Variants in SEPTIN5 observed in about 807,000 individuals in gnomAD.
The protein encoded by SEPTIN5 is septin 5.
SEPTIN5 carries 16 observed loss-of-function variants against 51.2 expected under a neutral mutation model. The observed-to-expected ratio is 0.31, with a 90% confidence interval of 0.21 to 0.47. SEPTIN5 has a LOEUF of 0.47. Ranked by LOEUF, SEPTIN5 falls within the 20% of genes least tolerant of loss-of-function variation. The pLI is 0.99. For missense variants in SEPTIN5, 376 were observed against 500.3 expected, an observed-to-expected ratio of 0.75 and a Z score of 2.37; for synonymous variants, 208 against 191.2, an observed-to-expected ratio of 1.09 and a Z score of -0.72.
At position 19,723,002 on chromosome 22, in the gene SEPTIN5, C is replaced by T. The variant is rs909532096; in HGVS notation, c.*518C>T. ...GGGTTGGGCTGAATCAAATGGGAGC[C>T]CTCCAGACATAAGGAGGCCAGAGGC... On this transcript the variant is annotated 3_prime_UTR_variant, in exon 12 of 12. Transcript: ENST00000455784. 6.0e-5 allele frequency: 27 copies of T among 448,152 alleles called. No individual in the cohort carries two copies. The highest frequency in any genetic ancestry group is 2.8e-4 in the African/African-American group (14 of 50,858). 27.8% of individuals were successfully genotyped at this position (448,152 alleles called of 1,614,324 possible). A position where few individuals can be genotyped will look rare whatever the true frequency, so the allele number is the denominator to read the frequency against.
At chr22:19,718,702 T>A (rs767349867) in intron 2 of SEPTIN5, 2 of 1,262,366 alleles carry the variant, frequency 1.6e-6, no homozygotes, top group African/African-American at 3.1e-5. Flanking sequence ...GGGCCTGGGG[T>A]CCGAGCGTGC....
At chr22:19,717,144 T>A in intron 2 of SEPTIN5, 1 of 341,434 alleles carries the variant, frequency 2.9e-6, no homozygotes, top group Non-Finnish European at 5.7e-6. Flanking sequence ...GTGGAGGAGG[T>A]CTCTCAGCCA....
Position 19,723,193 on chromosome 22 carries a change from A to G in SEPTIN5, c.*709A>G, listed in dbSNP as rs761289729. 6.8e-6 allele frequency: 4 copies of G among 586,696 alleles called. No homozygotes were observed. The highest frequency in any genetic ancestry group is 4.6e-5 in the South Asian group (3 of 65,708). 36.3% of individuals were successfully genotyped at this position (586,696 alleles called of 1,614,324 possible). On this transcript the variant is annotated 3_prime_UTR_variant, in exon 12 of 12. Coordinates refer to ENST00000455784, the MANE Select transcript of SEPTIN5 (RefSeq NM_002688.6). ...CCCAGCACCGCTGTGGTGTGCCGGG[A>G]TCCTGAGCCTAGGCCTCCCGATGTT... is the stretch of plus-strand genomic sequence containing the variant.
Position 19,714,744 on chromosome 22 carries a change from A to G in SEPTIN5, c.44-37A>G. ...GCCCGCCGGCCCGGACCCGCTCGGAACCGGACCCGGACTCGACCCCGACCC... is the reference window on the plus strand; with the variant it reads ...GCCCGCCGGCCCGGACCCGCTCGGAGCCGGACCCGGACTCGACCCCGACCC... On this transcript the variant is annotated intron_variant, in intron 1 of 11. Coordinates refer to ENST00000455784, the MANE Select transcript of SEPTIN5 (RefSeq NM_002688.6). The surrounding 1 kb of genome is among the most constrained non-coding windows in gnomAD (Gnocchi z 5.2). 6.3e-7 allele frequency: 1 copy of G among 1,582,898 alleles called. No individual in the cohort carries two copies. The highest frequency in any genetic ancestry group is 8.5e-7 in the Non-Finnish European group (1 of 1,171,918).
intron 10 of SEPTIN5, 124 bp from the exon 11 acceptor site, chr22:19,722,113 C>T: frequency 1.6e-6 from 2 of 1,225,312 alleles, no homozygotes; most frequent in Non-Finnish European, 1.1e-6. Flanking sequence ...AGAACCAAGT[C>T]CAGGGCTGTG....
intron 2 of SEPTIN5, among the ~76,000 whole-genome samples, chr22:19,716,738 GA>G (rs1352827172): frequency 5.3e-5 from 8 of 152,210 alleles, no homozygotes; most frequent in Non-Finnish European, 1.0e-4. Flanking sequence ...TACCAATGGG[GA>G]AACTGAGGCA....
At position 19,720,249 on chromosome 22, in the gene SEPTIN5, C is replaced by T. The variant is rs1936000143; in HGVS notation, c.362+11C>T. 6.2e-7 allele frequency: 1 copy of T among 1,613,390 alleles called. No individual in the cohort carries two copies. The highest frequency in any genetic ancestry group is 8.5e-7 in the Non-Finnish European group (1 of 1,180,012). ...CAACAACACCGAGTGGTGAGTGAGG[C>T]CTGCTGAGAAAGGCCTTGCCTAGGC... On this transcript the variant is annotated intron_variant, in intron 5 of 11. Transcript: ENST00000455784.
intron 2 of SEPTIN5, among the ~76,000 whole-genome samples, chr22:19,715,717 G>T (rs534569775): frequency 6.6e-6 from 1 of 152,320 alleles, no homozygotes; most frequent in East Asian, 1.9e-4. Context: ...GGTGCAGCAG[G>T]CAGGGCAGGA....
Position 19,720,831 on chromosome 22 carries a change from G to A in SEPTIN5, c.679G>A (p.Glu227Lys), listed in dbSNP as rs769165687. The change falls in exon 8 of 12, where the codon GAG becomes AAG. Residue 227 changes from glutamate to lysine, a missense_variant. Physicochemically the swap from Glu to Lys is moderately conservative, Grantham distance 56. Around this residue, in one of 2 missense-constraint regions of SEPTIN5, gnomAD observed 287 missense variants for 417.1 expected, o/e 0.69. Coordinates refer to ENST00000455784, the MANE Select transcript of SEPTIN5 (RefSeq NM_002688.6). Reference sequence around the variant, plus strand: ...CCAGTTCCCTGAGTGTGACTCGGACGAGGATGAGGACTTCAAGCAGCAGGA... The same window carrying A: ...CCAGTTCCCTGAGTGTGACTCGGACAAGGATGAGGACTTCAAGCAGCAGGA... Reference protein sequence around the residue: ...VYQFPECDSDEDEDFKQQDRE... With the variant: ...VYQFPECDSDKDEDFKQQDRE... 3 of 1,613,762 alleles carry A rather than the reference G, an allele frequency of 1.9e-6. No individual in the cohort carries two copies. The highest frequency in any genetic ancestry group is 1.7e-6 in the Non-Finnish European group (2 of 1,179,988).
chr22:19,722,573 CCACA>C lies in SEPTIN5; in HGVS notation c.*90_*93del. ...CTGTTCCCGACCCGGAGACGCGGGG[CCACA>C]GCCCCCAGCTGACCCTAATTTATTC... On this transcript the variant is annotated 3_prime_UTR_variant, in exon 12 of 12. Coordinates refer to ENST00000455784, the MANE Select transcript of SEPTIN5 (RefSeq NM_002688.6). 3.7e-6 allele frequency: 5 copies of C among 1,349,944 alleles called. No individual in the cohort carries two copies. The highest frequency in any genetic ancestry group is 5.1e-6 in the Non-Finnish European group (5 of 971,492). 83.6% of individuals were successfully genotyped at this position (1,349,944 alleles called of 1,614,324 possible).
rs894793340 is a variant in SEPTIN5 at position 19,721,904 on chromosome 22, G to C, written c.897G>C (p.Thr299=). 1.2e-6 allele frequency: 2 copies of C among 1,612,142 alleles called. No homozygotes were observed. The highest frequency in any genetic ancestry group is 1.7e-6 in the Non-Finnish European group (2 of 1,179,568). Reference sequence around the variant, plus strand: ...ATATGCACGACCTCAAGGACGTGACGTGCGACGTGCACTACGAGAACTACC... The same window carrying C: ...ATATGCACGACCTCAAGGACGTGACCTGCGACGTGCACTACGAGAACTACC... ...RTHMHDLKDV[T]CDVHYENYRA... is the part of the protein sequence containing the mutation. Residue 299 remains threonine (T), a synonymous_variant, in exon 10 of 12, where the codon ACG becomes ACC. Transcript: ENST00000455784.
In SEPTIN5 at chr22:19,722,964, C is replaced by A. The variant is rs1308594694; in HGVS notation, c.*480C>A. ...GGCCGAGTCTTCCCTTATCCCCAGA[C>A]GCCTAGCGGGCAGGGTTGGGCTGAA... On this transcript the variant is annotated 3_prime_UTR_variant, in exon 12 of 12. Transcript: ENST00000455784. The A allele has an allele frequency of 2.3e-6, 1 of 441,374 alleles. No homozygotes were observed. The highest frequency in any genetic ancestry group is 2.0e-5 in the African/African-American group (1 of 50,816). 27.3% of individuals were successfully genotyped at this position (441,374 alleles called of 1,614,324 possible).
Position 19,721,948 on chromosome 22 carries a change from A to G in SEPTIN5, c.941A>G (p.Gln314Arg), listed in dbSNP as rs1936045623. 3 of 1,608,110 alleles carry G rather than the reference A, an allele frequency of 1.9e-6. No individual in the cohort carries two copies. The highest frequency in any genetic ancestry group is 2.5e-6 in the Non-Finnish European group (3 of 1,177,184). ...YENYRAHCIQQMTSKLTQDSR... is the reference protein window; with the variant it reads ...YENYRAHCIQRMTSKLTQDSR... ...AACTACCGCGCGCACTGCATCCAGC[A>G]GATGACCAGGTGCGCGCCCCAGCCG... Residue 314 changes from glutamine (Q) to arginine (R), a missense_variant, in exon 10 of 12, where the codon CAG (glutamine) becomes CGG (arginine). This residue lies in a region of SEPTIN5 where 89 missense variants were observed against 83.3 expected (regional missense o/e 1.07). Coordinates refer to ENST00000455784, the MANE Select transcript of SEPTIN5 (RefSeq NM_002688.6).
intron 2 of SEPTIN5, among the ~76,000 whole-genome samples, chr22:19,715,139 C>T (rs991809013): frequency 6.6e-6 from 1 of 152,222 alleles, no homozygotes; most frequent in Non-Finnish European, 1.5e-5. Context: ...CGTGGCAGGC[C>T]ACGCTGGGGG....
chr22:19,721,202 C>T (rs1315341247), intron 8 of SEPTIN5, among the ~76,000 whole-genome samples: 1 of 152,228 alleles, frequency 6.6e-6, no homozygotes, highest in East Asian at 1.9e-4. Context: ...GAAGGGGCTG[C>T]CCCAGTGGCA....
At position 19,721,530 on chromosome 22, in the gene SEPTIN5, T is replaced by C. The variant is rs147204339; in HGVS notation, c.718-110T>C. ...ACGCCAGGATCTCTTTGAGGAGAGA[T>C]AGTTGATGGTGATGCTGGAGGGGTG... On this transcript the variant is annotated intron_variant, in intron 8 of 11. Coordinates refer to ENST00000455784, the MANE Select transcript of SEPTIN5 (RefSeq NM_002688.6). 3 of 1,139,406 alleles carry C rather than the reference T, an allele frequency of 2.6e-6. No individual in the cohort carries two copies. The African/African-American group carries it at 4.6e-5, about 17-fold the overall frequency. The allele number at this position is 1,139,406 out of a possible 1,614,324, so 70.6% of individuals were successfully genotyped here. A position where few individuals can be genotyped will look rare whatever the true frequency, so the allele number is the denominator to read the frequency against.
Position 19,720,147 on chromosome 22 carries a change from C to G in SEPTIN5, c.271C>G (p.His91Asp). ...RISQTVEILK[H>D]TVDIEEKGVK... ...CAGCCAGACGGTAGAGATTCTAAAA[C>G]ACACGGTGGACATTGAGGAGAAGGG... Residue 91 changes from histidine (H) to aspartate (D), a missense_variant, in exon 5 of 12, where the codon CAC (histidine) becomes GAC (aspartate). By Grantham distance (81) the His-to-Asp change is moderately conservative. Coordinates refer to ENST00000455784, the MANE Select transcript of SEPTIN5 (RefSeq NM_002688.6). The G allele has an allele frequency of 6.2e-7, 1 of 1,613,346 alleles. No individual in the cohort carries two copies. The highest frequency in any genetic ancestry group is 8.5e-7 in the Non-Finnish European group (1 of 1,180,008).
intron 2 of SEPTIN5, chr22:19,719,117 A>G (rs1483180060): frequency 3.5e-6 from 1 of 286,090 alleles, no homozygotes; most frequent in East Asian, 5.7e-5. Context: ...GCCGCGGTCT[A>G]TAAATAGGCG....
At chr22:19,719,076 C>T (rs1312985880) in intron 2 of SEPTIN5, 3 of 347,932 alleles carry the variant, frequency 8.6e-6, no homozygotes, top group Non-Finnish European at 1.5e-5. Context: ...GGGGGCTGGG[C>T]GCCTGGGCGC....
Sources: allele counts gnomAD v4.1 joint callset (sites outside exome capture counted in the v4.1 genomes callset), GRCh38; gene constraint gnomAD v4.1.1; regional missense constraint gnomAD v4.1.1; non-coding constraint Gnocchi (gnomAD v3.1); transcripts MANE v1.5; gene names NCBI Gene and HGNC (gene_info 2026-07-23, HGNC 2026-07-21).